SPOCK1: variants seen among roughly 807,000 people sequenced by gnomAD.
SPOCK1 encodes testican-1.
In SPOCK1, 23 loss-of-function variants were observed where a neutral mutation model predicts 55.3. That is an observed-to-expected ratio of 0.42 (90% CI 0.30 to 0.59). SPOCK1 has a LOEUF of 0.59. Ranked by LOEUF, SPOCK1 falls within the 20% of genes least tolerant of loss-of-function variation. The probability of loss-of-function intolerance (pLI) is 0.22; values close to 1 mark genes in which losing one functional copy is unlikely to be tolerated. For missense variants in SPOCK1, 499 were observed against 552.5 expected (o/e 0.90, Z 0.97); for synonymous variants, 226 against 221.0 (o/e 1.02, Z -0.20).
intron 3 of SPOCK1, among the ~76,000 whole-genome samples, chr5:137,196,197 C>T (rs1037965022): frequency 1.3e-5 from 2 of 152,188 alleles, no homozygotes; most frequent in Non-Finnish European, 2.9e-5. Flanking sequence ...AGCACCAGCT[C>T]CTTTCTAGTG....
At chr5:137,179,568 C>G (rs972059551) in intron 3 of SPOCK1, among the ~76,000 whole-genome samples, 1 of 152,128 alleles carries the variant, frequency 6.6e-6, no homozygotes, top group Non-Finnish European at 1.5e-5. Context: ...TTTTGTTTAA[C>G]CACCTTTTTG....
chr5:137,119,202 G>A (rs182717187), intron 4 of SPOCK1, among the ~76,000 whole-genome samples: 1 of 152,284 alleles, frequency 6.6e-6, no homozygotes, highest in African/African-American at 2.4e-5. Context: ...TGGCACAGAA[G>A]GATTACATGC....
rs550091533 is a variant in SPOCK1 at position 137,325,276 on chromosome 5, T to C, written c.187-58221A>G. 9.8e-5 allele frequency among the ~76,000 whole-genome samples: 15 copies of C among 152,294 alleles called. No individual in the cohort carries two copies. In the South Asian group the frequency reaches 2.3e-3, roughly 23 times the overall value. On this transcript the variant is annotated intron_variant, in intron 2 of 10. Transcript: ENST00000394945. ...TATATGTCCTTGATATTTAAAAACA[T>C]ACCAGCCCTCCCTTGCATGACACCC...
chr5:137,393,040 T>C (rs1164399372), intron 2 of SPOCK1, among the ~76,000 whole-genome samples: 2 of 152,126 alleles, frequency 1.3e-5, no homozygotes, highest in Admixed American at 6.5e-5. Context: ...TTTCTCCACA[T>C]CTTTTCCAAT....
At chr5:137,339,558 C>T (rs1049648407) in intron 2 of SPOCK1, among the ~76,000 whole-genome samples, 9 of 152,104 alleles carry the variant, frequency 5.9e-5, no homozygotes, top group African/African-American at 1.4e-4. Context: ...TATGAGCCTC[C>T]GCATCAAGCT....
intron 4 of SPOCK1, among the ~76,000 whole-genome samples, chr5:137,112,797 A>G (rs757422): frequency 0.88 from 132,559 of 150,946 alleles, 58,290 homozygotes; most frequent in Non-Finnish European, 0.9. Flanking sequence ...CAATGTAGCC[A>G]TTGAAAACAT....
At chr5:137,002,314 G>GA (rs1751167971) in intron 6 of SPOCK1, among the ~76,000 whole-genome samples, 1 of 151,976 alleles carries the variant, frequency 6.6e-6, no homozygotes, top group East Asian at 1.9e-4. Flanking sequence ...CTTTCATCTG[G>GA]AAAAAGAAAC....
intron 6 of SPOCK1, among the ~76,000 whole-genome samples, chr5:137,061,308 C>T (rs1044731376): frequency 8.5e-5 from 13 of 152,214 alleles, no homozygotes; most frequent in Non-Finnish European, 1.9e-4. Flanking sequence ...TTTTCACCGC[C>T]TCCTGTTCCC....
At position 137,045,230 on chromosome 5, in the gene SPOCK1, C is replaced by T. The variant is rs1290822616; in HGVS notation, c.589+22485G>A. ...TGAGGAATCGCCACACTGACTTCCA[C>T]AATGGTTGAACTAGTTTACAGTCCC... is the stretch of plus-strand genomic sequence containing the variant. On this transcript the variant is annotated intron_variant, in intron 6 of 10. Coordinates refer to ENST00000394945, the MANE Select transcript of SPOCK1 (RefSeq NM_004598.4). 1.3e-3 allele frequency among the ~76,000 whole-genome samples: 175 copies of T among 138,922 alleles called. 2 individuals are homozygous for T. Among genetic ancestry groups the T allele is most frequent in the African/African-American group, 4.5e-3 (163 of 36,392 alleles). The allele number at this position is 138,922 out of a possible 152,430, so 91.1% of individuals were successfully genotyped here. A position where few individuals can be genotyped will look rare whatever the true frequency, so the allele number is the denominator to read the frequency against.
At chr5:137,257,262 C>A (rs1756652669) in intron 3 of SPOCK1, among the ~76,000 whole-genome samples, 1 of 152,180 alleles carries the variant, frequency 6.6e-6, no homozygotes, top group Admixed American at 6.5e-5. Context: ...AAAGAAGCAT[C>A]CCATCTGCAT....
intron 2 of SPOCK1, chr5:137,273,325 G>A: frequency 1.0e-6 from 1 of 958,610 alleles, no homozygotes; most frequent in Non-Finnish European, 1.2e-6. Flanking sequence ...ATTTTATTTG[G>A]CAACTACTTT....
At chr5:137,077,610 G>A (rs1241549423) in intron 5 of SPOCK1, among the ~76,000 whole-genome samples, 1 of 152,240 alleles carries the variant, frequency 6.6e-6, no homozygotes, top group African/African-American at 2.4e-5. Context: ...CACCTTCTGT[G>A]TTCCAGAAGC....
At chr5:137,417,921 A>C (rs1398070665) in intron 2 of SPOCK1, among the ~76,000 whole-genome samples, 1 of 152,172 alleles carries the variant, frequency 6.6e-6, no homozygotes, top group Admixed American at 6.5e-5. Flanking sequence ...GTCATTTAAC[A>C]TTAGGTATAT....
intron 2 of SPOCK1, among the ~76,000 whole-genome samples, chr5:137,368,761 A>G (rs932520564): frequency 2.0e-5 from 3 of 151,926 alleles, no homozygotes. Flanking sequence ...CACTGCTTCC[A>G]CATCTCCCAT....
intron 3 of SPOCK1, among the ~76,000 whole-genome samples, chr5:137,230,682 T>C (rs1469620185): frequency 2.6e-5 from 4 of 152,228 alleles, no homozygotes; most frequent in African/African-American, 9.6e-5. Flanking sequence ...TGTTTGATCA[T>C]TTTGAATACT....
At chr5:137,315,749 C>T (rs1417403041) in intron 2 of SPOCK1, among the ~76,000 whole-genome samples, 2 of 152,230 alleles carry the variant, frequency 1.3e-5, no homozygotes, top group Non-Finnish European at 2.9e-5. Context: ...GGCAGGCAGG[C>T]TGTAGGTTCC....
chr5:137,380,008 C>G (rs530619251), intron 2 of SPOCK1, among the ~76,000 whole-genome samples: 9 of 152,188 alleles, frequency 5.9e-5, no homozygotes, highest in African/African-American at 1.2e-4. Context: ...CAGGGAAGAG[C>G]TTTCCAAGCA....
At chr5:137,344,928 G>T (rs762396872) in intron 2 of SPOCK1, among the ~76,000 whole-genome samples, 2 of 152,196 alleles carry the variant, frequency 1.3e-5, no homozygotes, top group Non-Finnish European at 2.9e-5. Flanking sequence ...CCACCAGGCA[G>T]CAGTGCTGTT....
chr5:137,273,279 T>C (rs745895941), intron 2 of SPOCK1: 4 of 696,170 alleles, frequency 5.7e-6, no homozygotes, highest in Non-Finnish European at 7.1e-6. Flanking sequence ...AAACAAATAT[T>C]TACTACTGAG....
Sources: gnomAD v4.1 joint callset for allele counts (sites outside exome capture counted in the v4.1 genomes callset) on GRCh38, gnomAD v4.1.1 for gene constraint, MANE v1.5 for transcripts, NCBI Gene and HGNC (gene_info 2026-07-23, HGNC 2026-07-21) for gene names.